Variants in EYA4 observed in about 807,000 individuals in gnomAD.
The protein encoded by EYA4 is EYA transcriptional coactivator and phosphatase 4, also known as protein phosphatase EYA4.
Under a neutral mutation model 87.9 loss-of-function variants are expected in EYA4, and 31 were observed. That is an observed-to-expected ratio of 0.35 (90% confidence interval 0.27 to 0.48). The LOEUF is 0.48. Among genes scored for constraint, EYA4 ranks in the 20% least tolerant of loss-of-function variants. The pLI is 0.99. For missense variants in EYA4, 678 were observed against 761.4 expected (o/e 0.89, Z 1.29); for synonymous variants, 263 against 270.6 (o/e 0.97, Z 0.28).
At chr6:133,327,752 T>C (rs1190280259) in intron 2 of EYA4, among the ~76,000 whole-genome samples, 2 of 152,214 alleles carry the variant, frequency 1.3e-5, no homozygotes, top group Non-Finnish European at 1.5e-5. Flanking sequence ...TACACGTAAG[T>C]GGAATTTATT....
Position 133,482,924 on chromosome 6 carries a change from T to C in EYA4, c.1108-108T>C, listed in dbSNP as rs1246254185. On this transcript the variant is annotated intron_variant, in intron 12 of 19. Coordinates refer to ENST00000355286, the MANE Select transcript of EYA4 (RefSeq NM_004100.5). ...AAAAAATGAATAGTATTATTTTCTATTAAATGATATCAAGATGATCTCTAG... is the reference window on the plus strand; with the variant it reads ...AAAAAATGAATAGTATTATTTTCTACTAAATGATATCAAGATGATCTCTAG... The C allele has an allele frequency of 4.4e-6, 4 of 915,590 alleles. No individual in the cohort carries two copies. The African/African-American group carries it at 6.7e-5, about 15-fold the overall frequency. 56.7% of individuals were successfully genotyped at this position (915,590 alleles called of 1,614,324 possible).
chr6:133,379,696 C>T (rs918573578), intron 2 of EYA4, among the ~76,000 whole-genome samples: 5 of 152,110 alleles, frequency 3.3e-5, no homozygotes, highest in African/African-American at 1.2e-4. Flanking sequence ...CTCTCACTGA[C>T]AGATTGAATG....
intron 2 of EYA4, among the ~76,000 whole-genome samples, chr6:133,323,525 C>T (rs2128361959): frequency 6.6e-6 from 1 of 152,202 alleles, no homozygotes; most frequent in Admixed American, 6.5e-5. Flanking sequence ...TCAAATCCAG[C>T]TATATTGCTG....
At chr6:133,402,255 A>G (rs1788333527) in intron 3 of EYA4, among the ~76,000 whole-genome samples, 1 of 152,116 alleles carries the variant, frequency 6.6e-6, no homozygotes, top group South Asian at 2.1e-4. Flanking sequence ...GCATCATGAC[A>G]CAGAAGGATT....
At chr6:133,285,242 T>C (rs551478383) in intron 2 of EYA4, among the ~76,000 whole-genome samples, 1 of 152,298 alleles carries the variant, frequency 6.6e-6, no homozygotes, top group African/African-American at 2.4e-5. Context: ...GTGATCTGCC[T>C]GCCTCGGCCT....
At chr6:133,250,844 T>G (rs1035230156) in intron 1 of EYA4, among the ~76,000 whole-genome samples, 1 of 151,980 alleles carries the variant, frequency 6.6e-6, no homozygotes, top group Admixed American at 6.6e-5. Flanking sequence ...ATATTTAGAG[T>G]AGTGCTTGAT....
chr6:133,348,442 T>C (rs932839713), intron 2 of EYA4, among the ~76,000 whole-genome samples: 1 of 151,896 alleles, frequency 6.6e-6, no homozygotes, highest in Non-Finnish European at 1.5e-5. Context: ...TTTTTTTGTA[T>C]TGTTAGCAGA....
chr6:133,270,352 C>T (rs142788263), intron 1 of EYA4, among the ~76,000 whole-genome samples: 2 of 152,294 alleles, frequency 1.3e-5, no homozygotes, highest in East Asian at 3.9e-4. Context: ...CACCAATCCC[C>T]AACCCAAATA....
chr6:133,310,898 A>T (rs1447933696), intron 2 of EYA4, among the ~76,000 whole-genome samples: 7 of 152,194 alleles, frequency 4.6e-5, no homozygotes, highest in Non-Finnish European at 1.0e-4. Context: ...TTTGTATTAG[A>T]TTTCTAGAAG....
chr6:133,324,904 A>G (rs1016641791), intron 2 of EYA4, among the ~76,000 whole-genome samples: 1 of 83,536 alleles, frequency 1.2e-5, no homozygotes, highest in Non-Finnish European at 2.2e-5. Context: ...TTCAGAAGCT[A>G]TTTTTTTTTT....
At chr6:133,500,710 C>G (rs1489165109) in intron 13 of EYA4, among the ~76,000 whole-genome samples, 1 of 152,014 alleles carries the variant, frequency 6.6e-6, no homozygotes, top group Non-Finnish European at 1.5e-5. Context: ...CTCACCTACC[C>G]AAAGAATCGA....
intron 17 of EYA4, among the ~76,000 whole-genome samples, chr6:133,519,434 G>A (rs969924100): frequency 4.0e-5 from 6 of 150,430 alleles, no homozygotes; most frequent in Admixed American, 4.0e-4. Context: ...ACTCTCCCAA[G>A]ACTAAACCAG....
intron 3 of EYA4, among the ~76,000 whole-genome samples, chr6:133,422,988 A>G (rs1320516547): frequency 3.9e-5 from 6 of 152,054 alleles, no homozygotes. Flanking sequence ...TTCCCATCCC[A>G]AAGGAGAGAT....
At chr6:133,356,272 C>T (rs553738297) in intron 2 of EYA4, among the ~76,000 whole-genome samples, 2 of 152,234 alleles carry the variant, frequency 1.3e-5, no homozygotes, top group African/African-American at 4.8e-5. Flanking sequence ...CAGCCCATAA[C>T]GAACATCATC....
At chr6:133,254,638 T>C (rs941007356) in intron 1 of EYA4, among the ~76,000 whole-genome samples, 14 of 152,212 alleles carry the variant, frequency 9.2e-5, no homozygotes, top group Admixed American at 6.5e-5. Context: ...TTTTATTTTC[T>C]TGTATGAGTC....
chr6:133,328,803 A>T lies in EYA4; in HGVS notation c.34-53589A>T, dbSNP rs112848779. On this transcript the variant is annotated intron_variant, in intron 2 of 19. Transcript: ENST00000355286. ...TAAATCTTGAAGATGGATCATTTTG[A>T]TGAAAACACAGGTTTGCAGAAGATA... Among the ~76,000 whole-genome samples the T allele has an allele frequency of 5.7e-4, 87 of 152,288 alleles. No individual in the cohort carries two copies. In the Middle Eastern group the frequency reaches 0.014, roughly 24 times the overall value.
At chr6:133,508,673 A>G (rs1464257393) in intron 14 of EYA4, among the ~76,000 whole-genome samples, 1 of 152,198 alleles carries the variant, frequency 6.6e-6, no homozygotes, top group African/African-American at 2.4e-5. Flanking sequence ...AGAACACTGC[A>G]GTGAGAAGGT....
chr6:133,457,488 A>AT (rs1268421339), intron 6 of EYA4, among the ~76,000 whole-genome samples: 2 of 151,994 alleles, frequency 1.3e-5, no homozygotes, highest in Non-Finnish European at 2.9e-5. Context: ...TGTTATAAGG[A>AT]TTTTTTTGTC....
chr6:133,308,331 A>G lies in EYA4; in HGVS notation c.33+33518A>G, dbSNP rs568791197. On this transcript the variant is annotated intron_variant, in intron 2 of 19. Coordinates refer to ENST00000355286, the MANE Select transcript of EYA4 (RefSeq NM_004100.5). ...AATAACTCACCCAAATCACATATGT[A>G]ATAAATAGAAAAAGGAGCTGAATCC... Among the ~76,000 whole-genome samples, 7 of 152,328 alleles carry G rather than the reference A, an allele frequency of 4.6e-5. No individual in the cohort carries two copies. The East Asian group carries it at 1.2e-3, about 25-fold the overall frequency.
Sources: allele counts gnomAD v4.1 joint callset (sites outside exome capture counted in the v4.1 genomes callset), GRCh38; gene constraint gnomAD v4.1.1; transcripts MANE v1.5; gene names NCBI Gene and HGNC (gene_info 2026-07-23, HGNC 2026-07-21).